Variants in TRMT10C observed in about 807,000 individuals in gnomAD.
TRMT10C encodes tRNA methyltransferase 10 homolog C.
Under a neutral mutation model 27.4 loss-of-function variants are expected in TRMT10C, and 14 were observed. That is an observed-to-expected ratio of 0.51 (90% CI 0.34 to 0.80). TRMT10C has a LOEUF of 0.80. Among genes scored for constraint, TRMT10C ranks in the 30% least tolerant of loss-of-function variants. The pLI, the probability that TRMT10C is intolerant of heterozygous loss-of-function variation, is 0.02. For synonymous variants in TRMT10C, 143 were observed against 155.9 expected, an observed-to-expected ratio of 0.92 and a Z score of 0.62; for missense variants, 438 against 464.8, an observed-to-expected ratio of 0.94 and a Z score of 0.53.
chr3:101,565,891 A>T lies in TRMT10C; in HGVS notation c.1110A>T (p.Gln370His). The T allele has an allele frequency of 6.2e-7, 1 of 1,614,210 alleles. No homozygotes were observed. Among genetic ancestry groups the T allele is most frequent in the Non-Finnish European group, 8.5e-7 (1 of 1,180,040 alleles). ...GTCTGAAAAACAATGGTAATTGGCA[A>T]GAGGCTCTGCAATTCGTTCCCAAGA... ...LLCLKNNGNW[Q>H]EALQFVPKRK... Residue 370 changes from glutamine to histidine, a missense_variant, in exon 2 of 2, where the codon CAA (glutamine) becomes CAT (histidine). By Grantham distance (24) the Gln-to-His change is conservative (BLOSUM62 0). Transcript: ENST00000309922.
At position 101,565,507 on chromosome 3, in the gene TRMT10C, T is replaced by C. The variant is rs1934496191; in HGVS notation, c.726T>C (p.His242=). 6.2e-6 allele frequency: 10 copies of C among 1,613,428 alleles called. No individual in the cohort carries two copies. The highest frequency in any genetic ancestry group is 8.5e-6 in the Non-Finnish European group (10 of 1,179,662). ...GWNRRNVDPF[H]IYFCNLKIDG... The stretch of plus-strand genomic sequence containing the variant: ...ACAGAAGAAATGTTGATCCTTTCCA[T>C]ATTTATTTCTGCAATCTAAAAATAG... The change falls in exon 2 of 2, where the codon CAT becomes CAC. Residue 242 remains histidine (H), a synonymous_variant. Transcript: ENST00000309922.
Position 101,566,019 on chromosome 3 carries a change from G to A in TRMT10C, c.*26G>A, listed in dbSNP as rs769465837. On this transcript the variant is annotated 3_prime_UTR_variant, in exon 2 of 2. Coordinates refer to ENST00000309922, the MANE Select transcript of TRMT10C (RefSeq NM_017819.4). Reference sequence around the variant, plus strand: ...TTCATTTTCAAAAGGTTCTCTGAATGTGCACAGAACACGTGGCTCAAATGA... The same window carrying A: ...TTCATTTTCAAAAGGTTCTCTGAATATGCACAGAACACGTGGCTCAAATGA... 9 of 1,567,056 alleles carry A rather than the reference G, an allele frequency of 5.7e-6. No homozygotes were observed. Among genetic ancestry groups the A allele is most frequent in the Non-Finnish European group, 7.8e-6 (9 of 1,158,858 alleles).
chr3:101,563,592 A>G (rs1403224538), intron 1 of TRMT10C, among the ~76,000 whole-genome samples: 1 of 152,238 alleles, frequency 6.6e-6, no homozygotes, highest in African/African-American at 2.4e-5. Context: ...AGGGAGGGGC[A>G]TCTGGACATC....
At position 101,566,335 on chromosome 3, in the gene TRMT10C, G is replaced by A; in HGVS notation, c.*342G>A. 5.2e-6 allele frequency: 1 copy of A among 191,196 alleles called. No individual in the cohort carries two copies. Among genetic ancestry groups the A allele is most frequent in the South Asian group, 1.3e-4 (1 of 7,426 alleles). 11.8% of individuals were successfully genotyped at this position (191,196 alleles called of 1,614,324 possible). On this transcript the variant is annotated 3_prime_UTR_variant, in exon 2 of 2. Coordinates refer to ENST00000309922, the MANE Select transcript of TRMT10C (RefSeq NM_017819.4). ...GAGGTTCCTAGAGGGTGGTGCCCTG[G>A]GGTGGGCTTGGAAGCTCTGCACCCC...
At chr3:101,563,023 C>G (rs1424284534) in intron 1 of TRMT10C, among the ~76,000 whole-genome samples, 1 of 152,138 alleles carries the variant, frequency 6.6e-6, no homozygotes, top group Non-Finnish European at 1.5e-5. Context: ...CAATGGATAG[C>G]AATATCCCTT....
intron 1 of TRMT10C, among the ~76,000 whole-genome samples, chr3:101,563,774 A>G (rs1236308206): frequency 3.3e-5 from 5 of 152,226 alleles, no homozygotes; most frequent in Admixed American, 6.5e-5. Context: ...AGCATCTTCA[A>G]TATCTCATGG....
intron 1 of TRMT10C, among the ~76,000 whole-genome samples, chr3:101,562,692 T>C (rs1170646017): frequency 6.6e-6 from 1 of 151,994 alleles, no homozygotes; most frequent in South Asian, 2.1e-4. Context: ...TTCTTTTTTT[T>C]TTTTTTAATG....
At chr3:101,563,156 C>G (rs957665904) in intron 1 of TRMT10C, among the ~76,000 whole-genome samples, 3 of 152,118 alleles carry the variant, frequency 2.0e-5, no homozygotes, top group African/African-American at 7.2e-5. Flanking sequence ...CTCTGTCGCT[C>G]ACTGCAACAG....
Position 101,565,024 on chromosome 3 carries a change from A to C in TRMT10C, c.243A>C (p.Thr81=). The C allele has an allele frequency of 6.2e-7, 1 of 1,614,080 alleles. No homozygotes were observed. The highest frequency in any genetic ancestry group is 1.1e-5 in the South Asian group (1 of 91,082). ...GTGTGCAAGAAGAATGTGTTTCAAC[A>C]ATCTCAAGCAGTAAGGATGAAGATC... is the stretch of plus-strand genomic sequence containing the variant. ...KSSVQEECVS[T]ISSSKDEDPL... The change falls in exon 2 of 2, where the codon ACA becomes ACC. Residue 81 remains threonine (T), a synonymous_variant. Transcript: ENST00000309922.
In TRMT10C at chr3:101,565,704, T is replaced by C; in HGVS notation, c.923T>C (p.Val308Ala). Residue 308 changes from valine to alanine, a missense_variant, in exon 2 of 2, where the codon GTA (valine) becomes GCA (alanine). Val to Ala is a moderately conservative substitution (Grantham distance 64). Transcript: ENST00000309922. The stretch of plus-strand genomic sequence containing the variant: ...ACTTTCAGGCATGACAAAGTTTATG[T>C]AATTGGGTCTTTTGTTGATAAGAGT... Reference protein sequence around the residue: ...MTTFRHDKVYVIGSFVDKSMQ... With the variant: ...MTTFRHDKVYAIGSFVDKSMQ... 1 of 1,614,248 alleles carries C rather than the reference T, an allele frequency of 6.2e-7. No homozygotes were observed. Among genetic ancestry groups the C allele is most frequent in the South Asian group, 1.1e-5 (1 of 91,092 alleles).
rs1934496064 is a variant in TRMT10C at position 101,565,497 on chromosome 3, A to G, written c.716A>G (p.Asp239Gly). ...GAAGGATGGAACAGAAGAAATGTTG[A>G]TCCTTTCCATATTTATTTCTGCAAT... The part of the protein sequence containing the change: ...ESEGWNRRNV[D>G]PFHIYFCNLK... Residue 239 changes from aspartate (D) to glycine (G), a missense_variant, in exon 2 of 2, where the codon GAT (aspartate) becomes GGT (glycine). Physicochemically the swap from Asp to Gly is moderately conservative, Grantham distance 94. Coordinates refer to ENST00000309922, the MANE Select transcript of TRMT10C (RefSeq NM_017819.4). The G allele has an allele frequency of 2.5e-6, 4 of 1,613,736 alleles. No homozygotes were observed. Among genetic ancestry groups the G allele is most frequent in the Non-Finnish European group, 3.4e-6 (4 of 1,179,736 alleles).
In TRMT10C at chr3:101,565,925, ACT is replaced by A; in HGVS notation, c.1145_1146del (p.Thr382ArgfsTer30). 3.1e-6 allele frequency: 5 copies of A among 1,613,714 alleles called. No homozygotes were observed. Among genetic ancestry groups the A allele is most frequent in the Non-Finnish European group, 4.2e-6 (5 of 1,179,724 alleles). Reference sequence around the variant, plus strand: ...GCAATTCGTTCCCAAGAGAAAACATACTGGTTTTCTGGAGATTTCTCAGCATT... The same window carrying A: ...GCAATTCGTTCCCAAGAGAAAACATAGGTTTTCTGGAGATTTCTCAGCATT... Reference protein sequence around the residue: ...ALQFVPKRKHTGFLEISQHSQ... With the variant: ...ALQFVPKRKHXGFLEISQHSQ... On this transcript the variant is annotated frameshift_variant, in exon 2 of 2. Coordinates refer to ENST00000309922, the MANE Select transcript of TRMT10C (RefSeq NM_017819.4). LOFTEE classifies it low-confidence loss of function (END_TRUNC).
In TRMT10C at chr3:101,564,944, A is replaced by G. The variant is rs770397788; in HGVS notation, c.163A>G (p.Thr55Ala). ...PAVTYPKNES[T>A]PPSEELELDK... ...TGTTACTTATCCTAAAAATGAGAGT[A>G]CACCCCCTTCTGAAGAGCTAGAGTT... Residue 55 changes from threonine (T) to alanine (A), a missense_variant, in exon 2 of 2, where the codon ACA (threonine) becomes GCA (alanine). By Grantham distance (58) the Thr-to-Ala change is moderately conservative. Coordinates refer to ENST00000309922, the MANE Select transcript of TRMT10C (RefSeq NM_017819.4). 31 of 1,613,876 alleles carry G rather than the reference A, an allele frequency of 1.9e-5. No individual in the cohort carries two copies. The highest frequency in any genetic ancestry group is 2.3e-5 in the Non-Finnish European group (27 of 1,179,998).
intron 1 of TRMT10C, among the ~76,000 whole-genome samples, chr3:101,563,202 GC>G (rs1559948769): frequency 6.6e-6 from 1 of 151,976 alleles, no homozygotes; most frequent in Non-Finnish European, 1.5e-5. Context: ...TGCAACTTCC[GC>G]CCCCCTTATT....
In TRMT10C at chr3:101,565,552, G is replaced by T. The variant is rs761748701; in HGVS notation, c.771G>T (p.Glu257Asp). 1.9e-6 allele frequency: 3 copies of T among 1,613,950 alleles called. No individual in the cohort carries two copies. The highest frequency in any genetic ancestry group is 2.2e-5 in the South Asian group (2 of 91,058). ...AAATAGATGGTGCTTTGCACAGAGAGTTAGTTAAACGGTATCAAGAAAAAT... is the reference window on the plus strand; with the variant it reads ...AAATAGATGGTGCTTTGCACAGAGATTTAGTTAAACGGTATCAAGAAAAAT... ...NLKIDGALHR[E>D]LVKRYQEKWD... is the part of the protein sequence containing the mutation. Residue 257 changes from glutamate to aspartate, a missense_variant, in exon 2 of 2, where the codon GAG becomes GAT. Coordinates refer to ENST00000309922, the MANE Select transcript of TRMT10C (RefSeq NM_017819.4).
chr3:101,566,380 G>A lies in TRMT10C; in HGVS notation c.*387G>A, dbSNP rs4683931. The A allele has an allele frequency of 0.064, 10,671 of 165,592 alleles. 679 individuals are homozygous for A. Among genetic ancestry groups the A allele is most frequent in the East Asian group, 0.22 (1,279 of 5,718 alleles). The allele number at this position is 165,592 out of a possible 1,614,324, so 10.3% of individuals were successfully genotyped here. On this transcript the variant is annotated 3_prime_UTR_variant, in exon 2 of 2. Transcript: ENST00000309922. ...CACCCCTTCCCCCATAGCTTTCCCC[G>A]TGCATCTCTTTGTCTGTATGTTTTG...
chr3:101,562,828 T>A (rs111903416), intron 1 of TRMT10C, among the ~76,000 whole-genome samples: 2,004 of 152,138 alleles, frequency 0.013, 39 homozygotes, highest in African/African-American at 0.046. Flanking sequence ...CACTAGTTAG[T>A]CCTTACCATC....
chr3:101,565,940 AT>A lies in TRMT10C; in HGVS notation c.1162del (p.Ser388LeufsTer11), dbSNP rs1300008865. On this transcript the variant is annotated frameshift_variant, in exon 2 of 2. Transcript: ENST00000309922. LOFTEE classifies it high-confidence loss of function. ...PKRKHTGFLE[I>X]SQHSQEFINR... ...GAGAAAACATACTGGTTTTCTGGAG[AT>A]TTCTCAGCATTCTCAAGAGTTTATC... 1 of 1,613,240 alleles carries A rather than the reference AT, an allele frequency of 6.2e-7. No individual in the cohort carries two copies. The highest frequency in any genetic ancestry group is 2.2e-5 in the East Asian group (1 of 44,862).
chr3:101,563,804 A>G (rs1934464706), intron 1 of TRMT10C, among the ~76,000 whole-genome samples: 1 of 152,250 alleles, frequency 6.6e-6, no homozygotes, highest in Non-Finnish European at 1.5e-5. Context: ...CTTTTAGGAT[A>G]AAACTGTGGA....
Sources: gnomAD v4.1 joint callset for allele counts (sites outside exome capture counted in the v4.1 genomes callset) on GRCh38, gnomAD v4.1.1 for gene constraint, MANE v1.5 for transcripts, NCBI Gene and HGNC (gene_info 2026-07-23, HGNC 2026-07-21) for gene names.